Variants in NOTCH2NLC observed in about 807,000 individuals in gnomAD.
The protein encoded by NOTCH2NLC is notch homolog 2 N-terminal-like protein C.
A neutral mutation model predicts 17.7 loss-of-function variants in NOTCH2NLC; 4 were observed. The observed-to-expected ratio is 0.23, with a 90% CI of 0.11 to 0.52. NOTCH2NLC has a LOEUF of 0.52. Among genes scored for constraint, NOTCH2NLC ranks in the 20% least tolerant of loss-of-function variants. The pLI, the probability that NOTCH2NLC is intolerant of heterozygous loss-of-function variation, is 0.96. For synonymous variants in NOTCH2NLC, 18 were observed against 86.0 expected (o/e 0.21, Z 4.38); for missense variants, 57 against 207.2 (o/e 0.28, Z 4.45).
At chr1:149,446,108 T>C (rs1453216478) in intron 2 of NOTCH2NLC, among the ~76,000 whole-genome samples, 1 of 101,900 alleles carries the variant, frequency 9.8e-6, no homozygotes, top group African/African-American at 3.8e-5. Flanking sequence ...TTTAAGCTTT[T>C]CTGTAGACGA....
chr1:149,424,355 A>G (rs2084399437), intron 1 of NOTCH2NLC, among the ~76,000 whole-genome samples: 3 of 149,970 alleles, frequency 2.0e-5, no homozygotes, highest in Admixed American at 2.0e-4. Flanking sequence ...TATATTGGCA[A>G]TTTTTATTTT....
rs1313747809 is a variant in NOTCH2NLC, at chr1:149,390,708, A to G, written c.-80A>G. 5.8e-4 allele frequency: 723 copies of G among 1,237,488 alleles called. 29 individuals carry two copies. Among genetic ancestry groups the G allele is most frequent in the Admixed American group, 1.5e-3 (34 of 22,476 alleles). 76.7% of individuals were successfully genotyped at this position (1,237,488 alleles called of 1,614,324 possible). A position where few individuals can be genotyped will look rare whatever the true frequency, so the allele number is the denominator to read the frequency against. On this transcript the variant is annotated 5_prime_UTR_variant, in exon 1 of 5. Transcript: ENST00000650865. ...CGAGGCATTTGCGCCTGTGCTTCGGACCGTAGCGCCAGGGCCTGAGCCTTT... is the reference window on the plus strand; with the variant it reads ...CGAGGCATTTGCGCCTGTGCTTCGGGCCGTAGCGCCAGGGCCTGAGCCTTT...
intron 1 of NOTCH2NLC, among the ~76,000 whole-genome samples, chr1:149,426,555 A>AT (rs2084413921): frequency 7.2e-6 from 1 of 139,634 alleles, no homozygotes; most frequent in African/African-American, 2.6e-5. Context: ...GATGAGATTG[A>AT]AATCTACTAC....
At chr1:149,412,217 A>G (rs1484168617) in intron 1 of NOTCH2NLC, among the ~76,000 whole-genome samples, 12 of 150,198 alleles carry the variant, frequency 8.0e-5, no homozygotes, top group Admixed American at 7.3e-4. Context: ...ATTGTTTTTT[A>G]AACTGCAGAT....
At chr1:149,424,697 T>C (rs1570908547) in intron 1 of NOTCH2NLC, among the ~76,000 whole-genome samples, 1 of 151,106 alleles carries the variant, frequency 6.6e-6, no homozygotes, top group African/African-American at 2.4e-5. Context: ...GCTGAATAAT[T>C]TATAAAGAAA....
At chr1:149,428,488 A>G (rs1427755328) in intron 1 of NOTCH2NLC, among the ~76,000 whole-genome samples, 1 of 150,730 alleles carries the variant, frequency 6.6e-6, no homozygotes, top group African/African-American at 2.4e-5. Flanking sequence ...GGTTGTTTGT[A>G]TTTCTCTGAA....
chr1:149,416,045 A>G (rs1414541171), intron 1 of NOTCH2NLC, among the ~76,000 whole-genome samples: 1 of 147,622 alleles, frequency 6.8e-6, no homozygotes, highest in Non-Finnish European at 1.5e-5. Context: ...TTAATATGTC[A>G]TTATTTTCTA....
At position 149,466,134 on chromosome 1, in the gene NOTCH2NLC, TA is replaced by T. The variant is rs1456190201; in HGVS notation, c.*1985del. On this transcript the variant is annotated 3_prime_UTR_variant, in exon 5 of 5. Coordinates refer to ENST00000650865, the MANE Select transcript of NOTCH2NLC (RefSeq NM_001364013.2). ...TTCCTGAAAGCACTTTGTAGGTGTG[TA>T]AAACTTTTCGTTAAATGCTTTAAGC... The T allele has an allele frequency of 2.4e-5, 2 of 82,780 alleles. No homozygotes were observed. The highest frequency in any genetic ancestry group is 4.7e-5 in the Non-Finnish European group (2 of 42,132). 5.1% of individuals were successfully genotyped at this position (82,780 alleles called of 1,614,324 possible).
chr1:149,464,845 T>C lies in NOTCH2NLC; in HGVS notation c.*692T>C, dbSNP rs2084675833. Reference sequence around the variant, plus strand: ...AAAAGAAGTTGTTCTAGTTACTCTTTCAGAGTGGGAATCTTAGATTCTGGT... The same window carrying C: ...AAAAGAAGTTGTTCTAGTTACTCTTCCAGAGTGGGAATCTTAGATTCTGGT... On this transcript the variant is annotated 3_prime_UTR_variant, in exon 5 of 5. Transcript: ENST00000650865. 1 of 151,054 alleles carries C rather than the reference T, an allele frequency of 6.6e-6. No homozygotes were observed. The highest frequency in any genetic ancestry group is 2.1e-4 in the South Asian group (1 of 4,756). The allele number at this position is 151,054 out of a possible 1,614,324, so 9.4% of individuals were successfully genotyped here. A position where few individuals can be genotyped will look rare whatever the true frequency, so the allele number is the denominator to read the frequency against.
chr1:149,419,862 T>A (rs2084369443), intron 1 of NOTCH2NLC, among the ~76,000 whole-genome samples: 3 of 118,944 alleles, frequency 2.5e-5, no homozygotes, highest in Non-Finnish European at 5.4e-5. Flanking sequence ...TATATTTTTT[T>A]TTTTTTTTTT....
intron 3 of NOTCH2NLC, among the ~76,000 whole-genome samples, chr1:149,459,593 C>CTAG (rs1385894611): frequency 1.5e-4 from 6 of 40,932 alleles, no homozygotes; most frequent in Non-Finnish European, 2.6e-4. Flanking sequence ...ATTGAACCAT[C>CTAG]TAGTAGCTGG....
At chr1:149,402,411 T>A (rs2101466478) in intron 1 of NOTCH2NLC, among the ~76,000 whole-genome samples, 1 of 145,734 alleles carries the variant, frequency 6.9e-6, no homozygotes, top group African/African-American at 2.5e-5. Flanking sequence ...ATCAGATTTT[T>A]TTTTCTTTTT....
intron 2 of NOTCH2NLC, among the ~76,000 whole-genome samples, chr1:149,448,942 C>T (rs1430597968): frequency 1.3e-4 from 19 of 143,720 alleles, no homozygotes; most frequent in African/African-American, 4.1e-4. Flanking sequence ...AGTGCAGTGG[C>T]GCGATCTTGG....
At chr1:149,400,245 T>A (rs2084236726) in intron 1 of NOTCH2NLC, among the ~76,000 whole-genome samples, 3 of 137,034 alleles carry the variant, frequency 2.2e-5, no homozygotes. Context: ...TACCATTTGA[T>A]AAGTGGTAAA....
chr1:149,396,890 TTTG>T (rs1245540009), intron 1 of NOTCH2NLC, among the ~76,000 whole-genome samples: 5 of 83,852 alleles, frequency 6.0e-5, no homozygotes, highest in African/African-American at 2.4e-4. Context: ...TTTTTGTTTG[TTTG>T]TTTTTTGAGA....
chr1:149,419,659 G>A (rs1221468239), intron 1 of NOTCH2NLC, among the ~76,000 whole-genome samples: 5 of 149,318 alleles, frequency 3.3e-5, no homozygotes, highest in African/African-American at 1.2e-4. Context: ...GAGGACTGGC[G>A]TTTTTAAGAG....
chr1:149,400,165 C>A (rs1236614010), intron 1 of NOTCH2NLC, among the ~76,000 whole-genome samples: 1 of 134,186 alleles, frequency 7.5e-6, no homozygotes, highest in Admixed American at 7.5e-5. Context: ...ATGAACAGAT[C>A]TACATATATA....
chr1:149,390,802 A>AGGCGGCGGCGGCGGCGGCGACGGC lies in NOTCH2NLC; in HGVS notation c.34_35insACGGCGGCGGCGGCGGCGGCGGCG (p.Gly11_Gly12insAspGlyGlyGlyGlyGlyGlyGly), dbSNP rs2084157531. ...ACCCCCTCCCCATGTGGATCTGCCC[A>AGGCGGCGGCGGCGGCGGCGACGGC]GGCGGCGGCGGCGGCGGCGGCGGCG... On this transcript the variant is annotated inframe_insertion, in exon 1 of 5. Transcript: ENST00000650865. 1.2e-6 allele frequency: 1 copy of AGGCGGCGGCGGCGGCGGCGACGGC among 827,786 alleles called. No individual in the cohort carries two copies. The highest frequency in any genetic ancestry group is 2.4e-5 in the African/African-American group (1 of 40,986). The allele number at this position is 827,786 out of a possible 1,614,324, so 51.3% of individuals were successfully genotyped here.
intron 3 of NOTCH2NLC, among the ~76,000 whole-genome samples, chr1:149,462,954 G>A (rs1234636082): frequency 3.1e-4 from 45 of 143,912 alleles, no homozygotes; most frequent in African/African-American, 9.7e-4. Context: ...TTCTGCCTCA[G>A]CCTTCCAAGT....
Sources: gnomAD v4.1 joint callset for allele counts (sites outside exome capture counted in the v4.1 genomes callset) on GRCh38, gnomAD v4.1.1 for gene constraint, MANE v1.5 for transcripts, NCBI Gene and HGNC (gene_info 2026-07-23, HGNC 2026-07-21) for gene names.